FAT4: variants seen among roughly 807,000 people sequenced by gnomAD.
FAT4 encodes FAT atypical cadherin 4.
FAT4 carries 84 observed loss-of-function variants against 303.9 expected under a neutral mutation model. That is an observed-to-expected ratio of 0.28 (90% confidence interval 0.23 to 0.33). FAT4 has a LOEUF of 0.33. FAT4 is among the 10% of genes least tolerant of loss of function. The probability of loss-of-function intolerance (pLI) is 1.00; values close to 1 mark genes in which losing one functional copy is unlikely to be tolerated. For synonymous variants in FAT4, 2,307 were observed against 2,298.8 expected (o/e 1.00, Z -0.10); for missense variants, 6,005 against 6,146.8 (o/e 0.98, Z 0.77).
Position 125,489,970 on chromosome 4 carries a change from G to A in FAT4, c.13154G>A (p.Ser4385Asn). 1 of 1,610,102 alleles carries A rather than the reference G, an allele frequency of 6.2e-7. No homozygotes were observed. Among genetic ancestry groups the A allele is most frequent in the South Asian group, 1.1e-5 (1 of 90,902 alleles). The change falls in exon 18 of 18, where the codon AGC becomes AAC. Residue 4385 changes from serine (S) to asparagine (N), a missense_variant. By Grantham distance (46) the Ser-to-Asn change is conservative (BLOSUM62 1). Transcript: ENST00000394329. Reference protein sequence around the residue: ...GESLPFSGKHSLASISKTDPS... With the variant: ...GESLPFSGKHNLASISKTDPS... ...AGTCTTCCTTTCAGCGGGAAGCATA[G>A]CTTGGCCTCCATCTCAAAAACAGAT...
At chr4:125,359,810 G>T (rs1387048009) in intron 2 of FAT4, among the ~76,000 whole-genome samples, 1 of 152,088 alleles carries the variant, frequency 6.6e-6, no homozygotes, top group Non-Finnish European at 1.5e-5. Flanking sequence ...GTGTGTTTGT[G>T]GGGAGGGAGG....
rs1179035465 is a variant in FAT4 at position 125,452,640 on chromosome 4, G to T, written c.11630G>T (p.Gly3877Val). ...ECLPSPCHSG[G>V]TCHNLVGGFS... is the part of the protein sequence containing the mutation. ...CTTCCATCACCTTGCCACAGTGGTGGAACCTGTCACAATTTAGTGGGAGGA... is the reference window on the plus strand; with the variant it reads ...CTTCCATCACCTTGCCACAGTGGTGTAACCTGTCACAATTTAGTGGGAGGA... Residue 3877 changes from glycine (G) to valine (V), a missense_variant, in exon 10 of 18, where the codon GGA (glycine) becomes GTA (valine). Gly to Val is a moderately radical substitution (Grantham distance 109, BLOSUM62 -3). Coordinates refer to ENST00000394329, the MANE Select transcript of FAT4 (RefSeq NM_001291303.3). The T allele has an allele frequency of 6.2e-7, 1 of 1,613,974 alleles. No homozygotes were observed. Among genetic ancestry groups the T allele is most frequent in the Non-Finnish European group, 8.5e-7 (1 of 1,180,000 alleles).
Position 125,319,876 on chromosome 4 carries a change from T to G in FAT4, c.3465T>G (p.Ile1155Met). Reference sequence around the variant, plus strand: ...AGTTGCATGCCATCAGTGGGGAAATTACAAATACTCATCAGTTTGACAGGG... The same window carrying G: ...AGTTGCATGCCATCAGTGGGGAAATGACAAATACTCATCAGTTTGACAGGG... ...DFELHAISGEITNTHQFDRES... is the reference protein window; with the variant it reads ...DFELHAISGEMTNTHQFDRES... Residue 1155 changes from isoleucine (I) to methionine (M), a missense_variant, in exon 2 of 18, where the codon ATT (isoleucine) becomes ATG (methionine). Physicochemically the swap from Ile to Met is conservative, Grantham distance 10. Transcript: ENST00000394329. The G allele has an allele frequency of 6.2e-7, 1 of 1,614,104 alleles. No individual in the cohort carries two copies. Among genetic ancestry groups the G allele is most frequent in the East Asian group, 2.2e-5 (1 of 44,862 alleles).
intron 2 of FAT4, among the ~76,000 whole-genome samples, chr4:125,379,469 AT>A (rs930360010): frequency 2.7e-5 from 4 of 150,846 alleles, no homozygotes; most frequent in East Asian, 1.9e-4. Flanking sequence ...TTATTTATTT[AT>A]TTTTTTTGAG....
Position 125,452,700 on chromosome 4 carries a change from G to A in FAT4, c.11690G>A (p.Arg3897Lys). 6.2e-7 allele frequency: 1 copy of A among 1,614,140 alleles called. No individual in the cohort carries two copies. Among genetic ancestry groups the A allele is most frequent in the Non-Finnish European group, 8.5e-7 (1 of 1,180,010 alleles). Residue 3897 changes from arginine (R) to lysine (K), a missense_variant, in exon 10 of 18, where the codon AGG becomes AAG. Coordinates refer to ENST00000394329, the MANE Select transcript of FAT4 (RefSeq NM_001291303.3). ...AGCTGCCCAGATGGCTTCACTGGTA[G>A]GGCGTGTGAGAGAGATATCAATGAG... The part of the protein sequence containing the change: ...SCSCPDGFTG[R>K]ACERDINECL...
intron 3 of FAT4, among the ~76,000 whole-genome samples, chr4:125,400,828 G>A (rs186731421): frequency 1.3e-5 from 2 of 152,114 alleles, no homozygotes; most frequent in East Asian, 3.9e-4. Flanking sequence ...CTTTTGAGAT[G>A]AGACAGAGTC....
At chr4:125,340,422 C>T (rs1201044895) in intron 2 of FAT4, among the ~76,000 whole-genome samples, 2 of 151,492 alleles carry the variant, frequency 1.3e-5, no homozygotes, top group African/African-American at 4.8e-5. Context: ...CTCGCTCTGT[C>T]GCCCAGGCTG....
At chr4:125,423,229 A>T (rs1724967846) in intron 7 of FAT4, among the ~76,000 whole-genome samples, 1 of 152,202 alleles carries the variant, frequency 6.6e-6, no homozygotes, top group South Asian at 2.1e-4. Context: ...GACAGTGGGA[A>T]AAATGTCTCC....
At chr4:125,483,438 A>G (rs1727297027) in intron 16 of FAT4, among the ~76,000 whole-genome samples, 3 of 152,202 alleles carry the variant, frequency 2.0e-5, no homozygotes, top group Admixed American at 6.5e-5. Flanking sequence ...TTTCTGTACT[A>G]ACGTACACTT....
chr4:125,488,380 AT>A lies in FAT4; in HGVS notation c.13084+776del, dbSNP rs562050021. 2.0e-3 allele frequency among the ~76,000 whole-genome samples: 312 copies of A among 152,302 alleles called. 3 individuals carry two copies. The highest frequency in any genetic ancestry group is 0.01 in the Middle Eastern group (3 of 294). On this transcript the variant is annotated intron_variant, in intron 17 of 17. Transcript: ENST00000394329. ...AGGATCAAGTTAGATATGCAGTAAT[AT>A]TACAGATCATTCAGGCTACAGCATG...
At chr4:125,344,974 T>G (rs1450375099) in intron 2 of FAT4, among the ~76,000 whole-genome samples, 1 of 152,132 alleles carries the variant, frequency 6.6e-6, no homozygotes, top group African/African-American at 2.4e-5. Context: ...GGATGAGTTT[T>G]GCTTTCTTTG....
rs144081811 is a variant in FAT4 at position 125,370,049 on chromosome 4, T to C, written c.5176-28735T>C. Among the ~76,000 whole-genome samples, 695 of 152,084 alleles carry C rather than the reference T, an allele frequency of 4.6e-3. 5 individuals are homozygous for C. The highest frequency in any genetic ancestry group is 0.016 in the African/African-American group (646 of 41,490). On this transcript the variant is annotated intron_variant, in intron 2 of 17. Coordinates refer to ENST00000394329, the MANE Select transcript of FAT4 (RefSeq NM_001291303.3). ...CTTGGGTTCCTTTCTCCTTTTTCCA[T>C]TGGGCGTATTGGGTTTTAATATTAC...
At chr4:125,431,701 G>A (rs750475778) in intron 7 of FAT4, among the ~76,000 whole-genome samples, 1 of 152,064 alleles carries the variant, frequency 6.6e-6, no homozygotes, top group South Asian at 2.1e-4. Context: ...AGTGAGTAGA[G>A]TGAAATATCA....
intron 10 of FAT4, among the ~76,000 whole-genome samples, chr4:125,458,835 A>G (rs1316612181): frequency 2.0e-5 from 3 of 151,832 alleles, no homozygotes; most frequent in Non-Finnish European, 4.4e-5. Flanking sequence ...AAAACATGGT[A>G]TTTTTGCTTT....
At chr4:125,374,138 A>G (rs1733228566) in intron 2 of FAT4, among the ~76,000 whole-genome samples, 1 of 152,150 alleles carries the variant, frequency 6.6e-6, no homozygotes, top group African/African-American at 2.4e-5. Flanking sequence ...TGCCGGTTCT[A>G]AAGTTCTTTG....
At chr4:125,345,767 A>C (rs1731977005) in intron 2 of FAT4, among the ~76,000 whole-genome samples, 1 of 152,022 alleles carries the variant, frequency 6.6e-6, no homozygotes, top group Admixed American at 6.6e-5. Context: ...CCTTAAAATG[A>C]TCTAGTTGTC....
chr4:125,489,751 A>T, intron 17 of FAT4, 150 bp from the exon 18 acceptor site: 1 of 597,822 alleles, frequency 1.7e-6, no homozygotes, highest in Non-Finnish European at 2.7e-6. Flanking sequence ...TTTCAGCTGG[A>T]TGATGGTTCT....
chr4:125,386,667 T>G (rs1733762389), intron 2 of FAT4, among the ~76,000 whole-genome samples: 1 of 152,200 alleles, frequency 6.6e-6, no homozygotes, highest in African/African-American at 2.4e-5. Context: ...AACATATACT[T>G]TACAATTTAT....
At position 125,428,223 on chromosome 4, in the gene FAT4, G is replaced by A. The variant is rs184148729; in HGVS notation, c.7019-6022G>A. Reference sequence around the variant, plus strand: ...TGAGCCAGGAGAATCGCTTGAACCCGGGAGGCGGAGGTTGCAGTGAGCCGA... The same window carrying A: ...TGAGCCAGGAGAATCGCTTGAACCCAGGAGGCGGAGGTTGCAGTGAGCCGA... On this transcript the variant is annotated intron_variant, in intron 7 of 17. Coordinates refer to ENST00000394329, the MANE Select transcript of FAT4 (RefSeq NM_001291303.3). Among the ~76,000 whole-genome samples, 922 of 151,624 alleles carry A rather than the reference G, an allele frequency of 6.1e-3. 4 individuals are homozygous for A. Among genetic ancestry groups the A allele is most frequent in the Non-Finnish European group, 9.5e-3 (647 of 67,892 alleles).
Sources: allele counts gnomAD v4.1 joint callset (sites outside exome capture counted in the v4.1 genomes callset), GRCh38; gene constraint gnomAD v4.1.1; transcripts MANE v1.5; gene names NCBI Gene and HGNC (gene_info 2026-07-23, HGNC 2026-07-21).